DNAJC1: variants seen among roughly 807,000 people sequenced by gnomAD.
DNAJC1 encodes DnaJ heat shock protein family (Hsp40) member C1.
Under a neutral mutation model 76.6 loss-of-function variants are expected in DNAJC1, and 58 were observed. The ratio of observed to expected loss-of-function variants is 0.76; its 90% CI spans 0.61 to 0.94. The LOEUF is 0.94. Among genes scored for constraint, DNAJC1 ranks in the 40% least tolerant of loss-of-function variants. The pLI is 0.00. For synonymous variants in DNAJC1, 258 were observed against 267.9 expected (o/e 0.96, Z 0.36); for missense variants, 689 against 677.3 (o/e 1.02, Z -0.19).
chr10:21,934,771 A>T (rs1837285234), intron 1 of DNAJC1, among the ~76,000 whole-genome samples: 1 of 152,190 alleles, frequency 6.6e-6, no homozygotes, highest in African/African-American at 2.4e-5. Flanking sequence ...ATTCACATAA[A>T]GACAAAATTG....
chr10:21,759,059 G>C (rs542743034), intron 11 of DNAJC1, 111 bp downstream of exon 11: 1 of 1,056,746 alleles, frequency 9.5e-7, no homozygotes, highest in South Asian at 1.6e-5. Context: ...AAGAAATCAC[G>C]GGGCAGGTGT....
At chr10:21,874,322 G>C (rs1001740066) in intron 8 of DNAJC1, among the ~76,000 whole-genome samples, 6 of 152,024 alleles carry the variant, frequency 3.9e-5, no homozygotes, top group African/African-American at 1.5e-4. Context: ...GCTGAGGTGA[G>C]AGGACTGCTT....
chr10:21,833,854 T>G (rs773919787), intron 8 of DNAJC1, among the ~76,000 whole-genome samples: 13 of 152,118 alleles, frequency 8.5e-5, no homozygotes, highest in Non-Finnish European at 1.5e-4. Flanking sequence ...TACTATATAA[T>G]GTAAAGCATT....
intron 7 of DNAJC1, among the ~76,000 whole-genome samples, chr10:21,899,441 A>G (rs559309346): frequency 6.6e-6 from 1 of 152,332 alleles, no homozygotes; most frequent in East Asian, 1.9e-4. Flanking sequence ...TCTACCTGAG[A>G]CAGGACCTGG....
intron 10 of DNAJC1, among the ~76,000 whole-genome samples, chr10:21,762,145 G>A (rs768307074): frequency 6.6e-6 from 1 of 152,110 alleles, no homozygotes; most frequent in African/African-American, 2.4e-5. Context: ...CACCATGTTG[G>A]CCAGGATGGT....
chr10:21,890,467 GCTTTCACAAC>G (rs1241910449), intron 7 of DNAJC1, among the ~76,000 whole-genome samples: 1 of 151,650 alleles, frequency 6.6e-6, no homozygotes, highest in Non-Finnish European at 1.5e-5. Context: ...AAGAATCAGG[GCTTTCACAAC>G]TGCCCAATGG....
At chr10:21,916,211 T>C (rs1836952352) in intron 6 of DNAJC1, among the ~76,000 whole-genome samples, 1 of 152,108 alleles carries the variant, frequency 6.6e-6, no homozygotes, top group Non-Finnish European at 1.5e-5. Flanking sequence ...AATAAAACAA[T>C]GGCCAGGTGC....
chr10:21,803,749 T>C lies in DNAJC1; in HGVS notation c.1098+2231A>G, dbSNP rs564622638. On this transcript the variant is annotated intron_variant, in intron 9 of 11. Transcript: ENST00000376980. ...AATGCAGTGTGGGTCTATATATATA[T>C]TGACATAGAAGAAAAGTTATAATGG... 1.5e-4 allele frequency: 116 copies of C among 772,916 alleles called. No homozygotes were observed. In the African/African-American group the frequency reaches 2.1e-3, roughly 14 times the overall value. The allele number at this position is 772,916 out of a possible 1,614,324, so 47.9% of individuals were successfully genotyped here.
At position 21,918,800 on chromosome 10, in the gene DNAJC1, T is replaced by C. The variant is rs769971818; in HGVS notation, c.708A>G (p.Lys236=). The C allele has an allele frequency of 1.9e-6, 3 of 1,612,906 alleles. No individual in the cohort carries two copies. The highest frequency in any genetic ancestry group is 1.7e-5 in the Admixed American group (1 of 59,990). The change falls in exon 6 of 12, where the codon AAA becomes AAG. Residue 236 remains lysine, a synonymous_variant. Transcript: ENST00000376980. ...KLGIWFCLTL[K]ALPHLIQDAG... ...TTACCTGGATGAGGTGAGGTAATGC[T>C]TTTAGTGTAAGGCAAAACCAAATCC... is the stretch of plus-strand genomic sequence containing the variant.
intron 1 of DNAJC1, among the ~76,000 whole-genome samples, chr10:21,991,201 C>CA (rs1396496315): frequency 1.3e-5 from 2 of 152,142 alleles, no homozygotes; most frequent in Non-Finnish European, 2.9e-5. Flanking sequence ...GGAGAATGGG[C>CA]ACCCTGAAAG....
chr10:21,907,663 A>G (rs1836768762), intron 6 of DNAJC1, among the ~76,000 whole-genome samples: 1 of 152,054 alleles, frequency 6.6e-6, no homozygotes, highest in Non-Finnish European at 1.5e-5. Context: ...TCCAGAGATG[A>G]AAGTTTTGAC....
intron 7 of DNAJC1, among the ~76,000 whole-genome samples, chr10:21,885,759 C>T (rs1190869617): frequency 6.6e-6 from 1 of 152,030 alleles, no homozygotes; most frequent in Non-Finnish European, 1.5e-5. Flanking sequence ...GAAATAAAGG[C>T]AGAAATCAAG....
intron 8 of DNAJC1, among the ~76,000 whole-genome samples, chr10:21,841,879 A>G (rs958126331): frequency 6.6e-6 from 1 of 152,194 alleles, no homozygotes; most frequent in Non-Finnish European, 1.5e-5. Context: ...TGGATGAAGA[A>G]AATGTGGCAT....
At chr10:21,932,271 T>C (rs1281940946) in intron 1 of DNAJC1, among the ~76,000 whole-genome samples, 2 of 151,950 alleles carry the variant, frequency 1.3e-5, no homozygotes, top group East Asian at 1.9e-4. Context: ...GCCCAGGAGG[T>C]TGAGGCTGCA....
intron 8 of DNAJC1, among the ~76,000 whole-genome samples, chr10:21,829,610 C>T (rs1477620836): frequency 6.6e-6 from 1 of 152,196 alleles, no homozygotes; most frequent in Non-Finnish European, 1.5e-5. Context: ...CCTCGGCCTC[C>T]CCAAGTGCTG....
At chr10:21,757,411 G>C (rs1226832520) in intron 11 of DNAJC1, among the ~76,000 whole-genome samples, 1 of 152,192 alleles carries the variant, frequency 6.6e-6, no homozygotes, top group Non-Finnish European at 1.5e-5. Context: ...GAACTTTCCA[G>C]AATCTATTCT....
At chr10:21,782,337 C>G (rs577403465) in intron 9 of DNAJC1, among the ~76,000 whole-genome samples, 1 of 152,248 alleles carries the variant, frequency 6.6e-6, no homozygotes, top group East Asian at 1.9e-4. Flanking sequence ...CAAGACTAAA[C>G]CAGGAAGAAG....
intron 1 of DNAJC1, among the ~76,000 whole-genome samples, chr10:21,945,720 A>AGG (rs148598035): frequency 0.013 from 2,041 of 152,306 alleles, 50 homozygotes; most frequent in African/African-American, 0.046. Context: ...AACAGGCATG[A>AGG]GGGTACAAGT....
rs529374928 is a variant in DNAJC1, at chr10:21,837,994, C to T, written c.979-31895G>A. Among the ~76,000 whole-genome samples, 595 of 147,238 alleles carry T rather than the reference C, an allele frequency of 4.0e-3. 2 individuals are homozygous for T. Among genetic ancestry groups the T allele is most frequent in the African/African-American group, 0.015 (569 of 39,056 alleles). On this transcript the variant is annotated intron_variant, in intron 8 of 11. Coordinates refer to ENST00000376980, the MANE Select transcript of DNAJC1 (RefSeq NM_022365.4). ...GCAGTCCCCGCCCGGCCAGCCGCCCCGGCTGGGAGGTGGGGGGCGTCTCCG... is the reference window on the plus strand; with the variant it reads ...GCAGTCCCCGCCCGGCCAGCCGCCCTGGCTGGGAGGTGGGGGGCGTCTCCG...
Sources: allele counts gnomAD v4.1 joint callset (sites outside exome capture counted in the v4.1 genomes callset), GRCh38; gene constraint gnomAD v4.1.1; transcripts MANE v1.5; gene names NCBI Gene and HGNC (gene_info 2026-07-23, HGNC 2026-07-21).